Variants in TUB observed in about 807,000 individuals in gnomAD.
TUB encodes the protein TUB bipartite transcription factor.
Under a neutral mutation model 59.7 loss-of-function variants are expected in TUB, and 33 were observed. The observed-to-expected ratio is 0.55, with a 90% CI of 0.42 to 0.74. The LOEUF (loss-of-function observed/expected upper bound fraction) is 0.74. Among genes scored for constraint, TUB ranks in the 30% least tolerant of loss-of-function variants. The pLI is 0.00. For missense variants in TUB, 659 were observed against 672.0 expected, an observed-to-expected ratio of 0.98 and a Z score of 0.21; for synonymous variants, 293 against 256.4, an observed-to-expected ratio of 1.14 and a Z score of -1.36.
At position 8,097,439 on chromosome 11, in the gene TUB, G is replaced by A. The variant is rs769778482; in HGVS notation, c.885+14G>A. The A allele has an allele frequency of 6.2e-7, 1 of 1,614,204 alleles. No individual in the cohort carries two copies. The highest frequency in any genetic ancestry group is 1.1e-5 in the South Asian group (1 of 91,072). On this transcript the variant is annotated intron_variant, in intron 7 of 11. Transcript: ENST00000299506. ...GATGGGAAGAAGGTAAGGTTGGTCT[G>A]GGCATGTTATCATCTAGGCTTTACA...
rs1183715047 is a variant in TUB at position 8,104,831 on chromosome 11, T to C, written c.*3212T>C. ...CCAGATCTATGGCGAACACAGGTGT[T>C]GGAAGCCAGGACTGTGATAATCAGA... On this transcript the variant is annotated 3_prime_UTR_variant, in exon 12 of 12. Coordinates refer to ENST00000299506, the MANE Select transcript of TUB (RefSeq NM_177972.3). 1 of 152,036 alleles carries C rather than the reference T, an allele frequency of 6.6e-6. No individual in the cohort carries two copies. The highest frequency in any genetic ancestry group is 1.9e-4 in the East Asian group (1 of 5,192). 9.4% of individuals were successfully genotyped at this position (152,036 alleles called of 1,614,324 possible).
rs76126088 is a variant in TUB at position 8,084,665 on chromosome 11, T to A, written c.38+3117T>A. Among the ~76,000 whole-genome samples, 1,163 of 152,272 alleles carry A rather than the reference T, an allele frequency of 7.6e-3. 15 individuals are homozygous for A. The highest frequency in any genetic ancestry group is 0.025 in the African/African-American group (1,041 of 41,530). ...ATCAGGGAACTTATCTGGTTCCTGG[T>A]CATGTCCCCAGCACAGACAAGACGT... is the stretch of plus-strand genomic sequence containing the variant. On this transcript the variant is annotated intron_variant, in intron 1 of 11. Coordinates refer to ENST00000299506, the MANE Select transcript of TUB (RefSeq NM_177972.3).
rs1589998475 is a variant in TUB at position 8,100,841 on chromosome 11, C to T, written c.1231C>T (p.Leu411=). The T allele has an allele frequency of 1.9e-6, 3 of 1,614,080 alleles. No individual in the cohort carries two copies. Among genetic ancestry groups the T allele is most frequent in the South Asian group, 1.1e-5 (1 of 91,074 alleles). ...IRPRNEHETL[L]ARWQNKNTES... is the part of the protein sequence containing the mutation. The stretch of plus-strand genomic sequence containing the variant: ...GCCCTCCCAGGAGCATGAGACACTG[C>T]TAGCACGCTGGCAGAATAAGAACAC... Residue 411 remains leucine, a synonymous_variant, in exon 11 of 12, where the codon CTA becomes TTA. Transcript: ENST00000299506.
chr11:8,084,900 C>T (rs1473112537), intron 1 of TUB, among the ~76,000 whole-genome samples: 3 of 152,326 alleles, frequency 2.0e-5, no homozygotes, highest in Non-Finnish European at 4.4e-5. Context: ...TCTAGTTCTC[C>T]GTGTGGATGC....
chr11:8,090,073 C>T lies in TUB; in HGVS notation c.95C>T (p.Ala32Val). 1 of 1,603,982 alleles carries T rather than the reference C, an allele frequency of 6.2e-7. No individual in the cohort carries two copies. ...LRQQKLDRQRALLEQKQKKKR... is the reference protein window; with the variant it reads ...LRQQKLDRQRVLLEQKQKKKR... ...CCAACCTCTGTGCCTCCATAGCGGG[C>T]CCTGCTGGAGCAGAAGCAGAAGAAG... The change falls in exon 3 of 12, where the codon GCC becomes GTC. Residue 32 changes from alanine (A) to valine (V), a missense_variant. Coordinates refer to ENST00000299506, the MANE Select transcript of TUB (RefSeq NM_177972.3).
chr11:8,081,577 C>A (rs1256286199), intron 1 of TUB, 29 bp downstream of exon 1: 2 of 1,511,678 alleles, frequency 1.3e-6, no homozygotes, highest in Non-Finnish European at 1.8e-6. Flanking sequence ...GGGGCGCCCA[C>A]CACTCCCGAC....
rs1943555801 is a variant in TUB, at chr11:8,081,283, C to G, written c.-228C>G. On this transcript the variant is annotated 5_prime_UTR_variant, in exon 1 of 12. Coordinates refer to ENST00000299506, the MANE Select transcript of TUB (RefSeq NM_177972.3). ...CCCGCCTCCACGCGCGCGCACGACC[C>G]GCGCACTCCCGGAGCTTCGCCCATC... The G allele has an allele frequency of 1.3e-6, 1 of 795,888 alleles. No individual in the cohort carries two copies. The highest frequency in any genetic ancestry group is 1.5e-6 in the Non-Finnish European group (1 of 656,808). The allele number at this position is 795,888 out of a possible 1,614,324, so 49.3% of individuals were successfully genotyped here.
intron 8 of TUB, among the ~76,000 whole-genome samples, chr11:8,098,516 T>C (rs1177723053): frequency 6.6e-6 from 1 of 152,178 alleles, no homozygotes; most frequent in African/African-American, 2.4e-5. Flanking sequence ...GAATCCTGAT[T>C]GACCTCCCTG....
At chr11:8,047,372 C>A (rs75094147) in intron 2 of TUB, among the ~76,000 whole-genome samples, 358 of 152,300 alleles carry the variant, frequency 2.4e-3, no homozygotes, top group African/African-American at 7.8e-3. Flanking sequence ...AATCATGATT[C>A]CATCCAAATC....
chr11:8,056,238 A>G (rs780197052), intron 2 of TUB, among the ~76,000 whole-genome samples: 4 of 151,998 alleles, frequency 2.6e-5, no homozygotes, highest in African/African-American at 4.8e-5. Context: ...ACCTCGTGCT[A>G]CCAGGATGCC....
At chr11:8,029,359 C>T (rs1247455226) in intron 1 of TUB, among the ~76,000 whole-genome samples, 1 of 151,048 alleles carries the variant, frequency 6.6e-6, no homozygotes, top group African/African-American at 2.4e-5. Flanking sequence ...AAAGTTTGGG[C>T]CCTCAGGTTC....
chr11:8,095,751 G>A (rs1365362058), intron 5 of TUB, 86 bp downstream of exon 5: 12 of 1,422,076 alleles, frequency 8.4e-6, no homozygotes, highest in South Asian at 1.4e-5. Context: ...TGGCCTTCCT[G>A]TGTCCAAACC....
rs565047419 is a variant in TUB at position 8,105,864 on chromosome 11, C to T, written c.*4245C>T. 7 of 152,136 alleles carry T rather than the reference C, an allele frequency of 4.6e-5. No individual in the cohort carries two copies. Among genetic ancestry groups the T allele is most frequent in the East Asian group, 1.9e-4 (1 of 5,194 alleles). 9.4% of individuals were successfully genotyped at this position (152,136 alleles called of 1,614,324 possible). On this transcript the variant is annotated 3_prime_UTR_variant, in exon 12 of 12. Transcript: ENST00000299506. ...GGCTGAGATCCAGAGTTTCCTAGAA[C>T]GCAACTTAGGATGGCTAGGAAAGGG... is the stretch of plus-strand genomic sequence containing the variant.
chr11:8,104,962 G>T lies in TUB; in HGVS notation c.*3343G>T, dbSNP rs1375640366. On this transcript the variant is annotated 3_prime_UTR_variant, in exon 12 of 12. Transcript: ENST00000299506. ...TTTTTTTTTCTCCATTCTGAAAATA[G>T]CAGGACATTTACCTCTTAAATAAAC... 7.2e-6 allele frequency: 1 copy of T among 139,442 alleles called. No homozygotes were observed. The highest frequency in any genetic ancestry group is 1.5e-5 in the Non-Finnish European group (1 of 65,846). 8.6% of individuals were successfully genotyped at this position (139,442 alleles called of 1,614,324 possible).
upstream of TUB, among the ~76,000 whole-genome samples, chr11:8,079,882 G>T (rs923148494): frequency 6.6e-6 from 1 of 152,200 alleles, no homozygotes; most frequent in South Asian, 2.1e-4. Flanking sequence ...GCTGTGAAAT[G>T]GGTATGCTAA....
chr11:8,085,194 T>A (rs1943642045), intron 1 of TUB, among the ~76,000 whole-genome samples: 1 of 152,234 alleles, frequency 6.6e-6, no homozygotes, highest in Non-Finnish European at 1.5e-5. Flanking sequence ...TCTTTAGAGA[T>A]CACCAGCTGT....
In TUB at chr11:8,097,313, C is replaced by G. The variant is rs565455543; in HGVS notation, c.773C>G (p.Pro258Arg). 17 of 1,614,138 alleles carry G rather than the reference C, an allele frequency of 1.1e-5. No individual in the cohort carries two copies. The highest frequency in any genetic ancestry group is 1.4e-5 in the Non-Finnish European group (17 of 1,180,038). ...VQDLEEFALR[P>R]APQGITIKCR... Reference sequence around the variant, plus strand: ...GATCTTGAGGAGTTTGCACTGAGGCCGGCCCCCCAGGGTATCACCATCAAA... The same window carrying G: ...GATCTTGAGGAGTTTGCACTGAGGCGGGCCCCCCAGGGTATCACCATCAAA... Residue 258 changes from proline (P) to arginine (R), a missense_variant, in exon 7 of 12, where the codon CCG (proline) becomes CGG (arginine). By Grantham distance (103) the Pro-to-Arg change is moderately radical. Transcript: ENST00000299506.
At chr11:8,029,388 C>T (rs1022563712) in intron 1 of TUB, among the ~76,000 whole-genome samples, 5 of 123,578 alleles carry the variant, frequency 4.0e-5, no homozygotes, top group African/African-American at 6.0e-5. Context: ...TTCTTTCTTT[C>T]TTTTTTTTTT....
upstream of TUB, among the ~76,000 whole-genome samples, chr11:8,038,381 T>A (rs1942681947): frequency 6.6e-6 from 1 of 152,054 alleles, no homozygotes; most frequent in African/African-American, 2.4e-5. Flanking sequence ...AAATCCTAGA[T>A]CTTCCATCAG....
Sources: gnomAD v4.1 joint callset for allele counts (sites outside exome capture counted in the v4.1 genomes callset) on GRCh38, gnomAD v4.1.1 for gene constraint, MANE v1.5 for transcripts, NCBI Gene and HGNC (gene_info 2026-07-23, HGNC 2026-07-21) for gene names.